The following NCOR1 variants were observed in gnomAD, a reference collection of about 807,000 sequenced individuals.
The protein encoded by NCOR1 is protein phosphatase 1, regulatory subunit 109.
In NCOR1, 63 loss-of-function variants were observed where a neutral mutation model predicts 288.1. The observed-to-expected ratio is 0.22, with a 90% CI of 0.18 to 0.27. The LOEUF (loss-of-function observed/expected upper bound fraction) is 0.27. Ranked by LOEUF, NCOR1 falls within the 10% of genes least tolerant of loss-of-function variation. The probability of loss-of-function intolerance (pLI) is 1.00; values close to 1 mark genes in which losing one functional copy is unlikely to be tolerated. For synonymous variants in NCOR1, 1,007 were observed against 1,065.9 expected (o/e 0.94, Z 1.08); for missense variants, 2,397 against 3,019.2 (o/e 0.79, Z 4.83).
chr17:16,086,503 CCTCT>C, intron 22 of NCOR1, 61 bp from the exon 23 acceptor site: 1 of 1,429,458 alleles, frequency 7.0e-7, no homozygotes, highest in East Asian at 2.3e-5. Context: ...CAACATGTTA[CCTCT>C]CTCAGTCATT....
At chr17:16,136,535 G>A (rs1032708532) in intron 14 of NCOR1, among the ~76,000 whole-genome samples, 1 of 152,030 alleles carries the variant, frequency 6.6e-6, no homozygotes, top group Admixed American at 6.5e-5. Context: ...GGCTGGGCGC[G>A]GTGGCTCATG....
chr17:16,046,871 G>C, intron 42 of NCOR1, 80 bp downstream of exon 42: 2 of 1,500,340 alleles, frequency 1.3e-6, no homozygotes, highest in Non-Finnish European at 1.8e-6. Context: ...TCAAACTCAA[G>C]CATTACAGGA....
intron 13 of NCOR1, 81 bp from the exon 14 acceptor site, chr17:16,137,493 T>C (rs1038157937): frequency 1.5e-6 from 1 of 689,492 alleles, no homozygotes; most frequent in Non-Finnish European, 2.3e-6. Context: ...CCAAGGAAAA[T>C]CTCTGGTATT....
At chr17:16,103,934 C>G in intron 19 of NCOR1, among the ~76,000 whole-genome samples, 1 of 152,200 alleles carries the variant, frequency 6.6e-6, no homozygotes, top group Middle Eastern at 3.2e-3. Context: ...CGCTTGAATC[C>G]GGGAAGTGGA....
intron 5 of NCOR1, among the ~76,000 whole-genome samples, chr17:16,162,290 AC>A (rs1361272236): frequency 6.6e-6 from 1 of 152,106 alleles, no homozygotes; most frequent in Non-Finnish European, 1.5e-5. Context: ...AGAAAGAGAA[AC>A]AAGAGACACG....
rs1297017559 is a variant in NCOR1 at position 16,034,799 on chromosome 17, T to C, written c.7101A>G (p.Pro2367=). ...HSEGDYHRQT[P]GWAWEDRPSS... is the part of the protein sequence containing the mutation. ...AGGGCCTGTCTTCCCAGGCCCACCC[T>C]GGCGTCTGCCTATGGTAATCCCCTT... is the stretch of plus-strand genomic sequence containing the variant. Residue 2367 remains proline (P), a synonymous_variant, in exon 45 of 46, where the codon CCA becomes CCG. Coordinates refer to ENST00000268712, the MANE Select transcript of NCOR1 (RefSeq NM_006311.4). The C allele has an allele frequency of 1.2e-6, 2 of 1,613,972 alleles. No homozygotes were observed. Among genetic ancestry groups the C allele is most frequent in the South Asian group, 2.2e-5 (2 of 91,064 alleles).
intron 18 of NCOR1, among the ~76,000 whole-genome samples, chr17:16,115,903 C>G (rs2071468909): frequency 6.6e-6 from 1 of 152,214 alleles, no homozygotes; most frequent in Non-Finnish European, 1.5e-5. Flanking sequence ...ACACCCTACT[C>G]TACCAGTACC....
At chr17:16,212,793 C>T (rs897426194) in intron 1 of NCOR1, among the ~76,000 whole-genome samples, 6 of 151,944 alleles carry the variant, frequency 3.9e-5, no homozygotes, top group Admixed American at 2.0e-4. Flanking sequence ...CTTTTAAGGC[C>T]GGGTGCAGTG....
intron 4 of NCOR1, among the ~76,000 whole-genome samples, chr17:16,169,383 T>G (rs1441532706): frequency 6.6e-6 from 1 of 152,152 alleles, no homozygotes; most frequent in Non-Finnish European, 1.5e-5. Flanking sequence ...AATGGTAAAC[T>G]GTAGGTAATT....
intron 20 of NCOR1, among the ~76,000 whole-genome samples, chr17:16,099,647 C>T (rs1044010619): frequency 3.9e-5 from 6 of 152,144 alleles, no homozygotes; most frequent in Non-Finnish European, 7.4e-5. Context: ...GTGCAAAACA[C>T]AGATAATCCT....
At chr17:16,173,991 T>C (rs1435822564) in intron 3 of NCOR1, among the ~76,000 whole-genome samples, 1 of 150,480 alleles carries the variant, frequency 6.6e-6, no homozygotes, top group East Asian at 1.9e-4. Flanking sequence ...GGAATAAATA[T>C]GACCAAGGAG....
intron 4 of NCOR1, among the ~76,000 whole-genome samples, chr17:16,169,640 A>C (rs201784102): frequency 2.9e-5 from 1 of 34,186 alleles, no homozygotes; most frequent in Non-Finnish European, 7.7e-5. Flanking sequence ...AGGAGTTACT[A>C]ACCTAGGTCA....
chr17:16,056,308 C>CTTTTTTTTTTTTTTT (rs71299858), intron 40 of NCOR1, among the ~76,000 whole-genome samples: 8 of 96,004 alleles, frequency 8.3e-5, no homozygotes, highest in Admixed American at 2.7e-4. Flanking sequence ...TTCTTTTTAT[C>CTTTTTTTTTTTTTTT]TTTTTTTTTT....
At chr17:16,122,821 G>A (rs1304886991) in intron 15 of NCOR1, among the ~76,000 whole-genome samples, 1 of 152,116 alleles carries the variant, frequency 6.6e-6, no homozygotes, top group Non-Finnish European at 1.5e-5. Context: ...ATTTTTTGCA[G>A]AGACAGGGTG....
Position 16,057,651 on chromosome 17 carries a change from A to G in NCOR1, c.6255T>C (p.Pro2085=). The stretch of plus-strand genomic sequence containing the variant: ...TCACAGGTGTAGATACCAAAGCAGA[A>G]GGTGAGTTCTGGAATGTAGAAGTAG... ...QPPTSTFQNS[P]SALVSTPVRT... The change falls in exon 40 of 46, where the codon CCT becomes CCC. Residue 2085 remains proline (P), a synonymous_variant. Transcript: ENST00000268712. 6.2e-7 allele frequency: 1 copy of G among 1,613,912 alleles called. No individual in the cohort carries two copies. The highest frequency in any genetic ancestry group is 8.5e-7 in the Non-Finnish European group (1 of 1,179,954).
At chr17:16,126,953 G>T (rs770269678) in intron 14 of NCOR1, among the ~76,000 whole-genome samples, 3 of 152,082 alleles carry the variant, frequency 2.0e-5, no homozygotes, top group Non-Finnish European at 4.4e-5. Flanking sequence ...ATGAAAATGG[G>T]TAAGTGTAGT....
At position 16,064,174 on chromosome 17, in the gene NCOR1, G is replaced by C. The variant is rs979953472; in HGVS notation, c.5115C>G (p.His1705Gln). Reference protein sequence around the residue: ...SASMSPGHPTHLAAAASAERE... With the variant: ...SASMSPGHPTQLAAAASAERE... ...TCTCAGCACTTGCAGCAGCTGCAAG[G>C]TGTGTTGGGTGTCCTGTAAAACATA... The change falls in exon 35 of 46, where the codon CAC becomes CAG. Residue 1705 changes from histidine (H) to glutamine (Q), a missense_variant. This residue lies in a region of NCOR1 where 1,872 missense variants were observed against 2,187.8 expected (regional missense o/e 0.86). Transcript: ENST00000268712. The C allele has an allele frequency of 1.2e-6, 2 of 1,613,480 alleles. No individual in the cohort carries two copies. The highest frequency in any genetic ancestry group is 2.7e-5 in the African/African-American group (2 of 74,862).
At chr17:16,176,862 T>C (rs770915779) in intron 3 of NCOR1, among the ~76,000 whole-genome samples, 27 of 152,052 alleles carry the variant, frequency 1.8e-4, no homozygotes, top group Non-Finnish European at 2.9e-4. Context: ...TGGATCATTC[T>C]TTCTGTATAA....
Position 16,065,493 on chromosome 17 carries a change from G to C in NCOR1, c.4943C>G (p.Ala1648Gly). The change falls in exon 33 of 46, where the codon GCA (alanine) becomes GGA (glycine). Residue 1648 changes from alanine to glycine, a missense_variant. Around this residue, in one of 11 missense-constraint regions of NCOR1, gnomAD observed 1,872 missense variants for 2,187.8 expected, o/e 0.86. Transcript: ENST00000268712. The stretch of plus-strand genomic sequence containing the variant: ...AATGCAAAGACACACACCTCTCGTT[G>C]CTGGGTATGGGAGACCCAGTGGCTG... ...REQPLGLPYPATRGIIDLTNM... is the reference protein window; with the variant it reads ...REQPLGLPYPGTRGIIDLTNM... The C allele has an allele frequency of 6.2e-7, 1 of 1,614,116 alleles. No individual in the cohort carries two copies. The highest frequency in any genetic ancestry group is 1.1e-5 in the South Asian group (1 of 91,076).
Sources: allele counts gnomAD v4.1 joint callset (sites outside exome capture counted in the v4.1 genomes callset), GRCh38; gene constraint gnomAD v4.1.1; regional missense constraint gnomAD v4.1.1; transcripts MANE v1.5; gene names NCBI Gene and HGNC (gene_info 2026-07-23, HGNC 2026-07-21).